The following GPC5 variants were observed in gnomAD, a reference collection of about 807,000 sequenced individuals.
The protein encoded by GPC5 is glypican 5.
In GPC5, 47 loss-of-function variants were observed where a neutral mutation model predicts 53.9. The observed-to-expected ratio is 0.87, with a 90% CI of 0.69 to 1.11. The LOEUF (loss-of-function observed/expected upper bound fraction) is 1.11, where lower values mean the gene tolerates loss of function less well. Ranked by LOEUF, GPC5 falls within the 50% of genes most tolerant of loss-of-function variation. The pLI is 0.00. For synonymous variants in GPC5, 286 were observed against 263.3 expected (o/e 1.09, Z -0.84); for missense variants, 748 against 713.1 (o/e 1.05, Z -0.56).
At chr13:92,033,036 CGTGTGTGTGTGTGT>C in intron 6 of GPC5, among the ~76,000 whole-genome samples, 2 of 139,094 alleles carry the variant, frequency 1.4e-5, no homozygotes, top group South Asian at 4.8e-4. Context: ...TAGTTATTGT[CGTGTGTGTGTGTGT>C]GTGTGTGTGT....
At chr13:91,515,369 G>A (rs1162337102) in intron 2 of GPC5, among the ~76,000 whole-genome samples, 2 of 151,892 alleles carry the variant, frequency 1.3e-5, no homozygotes, top group Non-Finnish European at 2.9e-5. Context: ...TTATGGCAGG[G>A]GCTCAAAGAG....
intron 5 of GPC5, among the ~76,000 whole-genome samples, chr13:91,815,483 C>T (rs938030005): frequency 6.6e-6 from 1 of 152,204 alleles, no homozygotes; most frequent in African/African-American, 2.4e-5. Context: ...GTTTTTATAG[C>T]ATTGTATCCA....
intron 2 of GPC5, among the ~76,000 whole-genome samples, chr13:91,688,075 A>T (rs183018177): frequency 1.1e-4 from 17 of 152,254 alleles, no homozygotes; most frequent in Non-Finnish European, 2.2e-4. Context: ...TCAAAATGTT[A>T]ATTCAGTAAA....
Position 92,818,731 on chromosome 13 carries a change from G to A in GPC5, c.1562-47551G>A, listed in dbSNP as rs566865812. Among the ~76,000 whole-genome samples the A allele has an allele frequency of 4.6e-5, 7 of 152,120 alleles. No individual in the cohort carries two copies. The South Asian group carries it at 1.4e-3, about 31-fold the overall frequency. ...AGGAAATGAATTGAGAAACTTGACA[G>A]GAACAGCTTGAGGTATTTGATGAAT... On this transcript the variant is annotated intron_variant, in intron 7 of 7. Coordinates refer to ENST00000377067, the MANE Select transcript of GPC5 (RefSeq NM_004466.6).
chr13:92,253,213 G>T (rs2042704065), intron 7 of GPC5, among the ~76,000 whole-genome samples: 2 of 152,108 alleles, frequency 1.3e-5, no homozygotes, highest in Non-Finnish European at 2.9e-5. Context: ...GGACTGTAAT[G>T]CAGGAGGTAA....
chr13:91,693,107 T>A, intron 2 of GPC5, 80 bp from the exon 3 acceptor site: 1 of 997,200 alleles, frequency 1.0e-6, no homozygotes, highest in African/African-American at 1.6e-5. Context: ...TTTTGATGAG[T>A]CATTTAATGT....
chr13:91,426,267 G>A (rs887099546), intron 1 of GPC5, among the ~76,000 whole-genome samples: 1 of 151,960 alleles, frequency 6.6e-6, no homozygotes, highest in African/African-American at 2.4e-5. Flanking sequence ...TCCCGTCACA[G>A]GCCTGGAGTC....
chr13:92,323,361 CA>C (rs2043228556), intron 7 of GPC5, among the ~76,000 whole-genome samples: 1 of 148,606 alleles, frequency 6.7e-6, no homozygotes, highest in Non-Finnish European at 1.5e-5. Context: ...ATAACAGATA[CA>C]TATATATATA....
chr13:91,875,317 A>G (rs1474283045), intron 5 of GPC5, among the ~76,000 whole-genome samples: 1 of 152,178 alleles, frequency 6.6e-6, no homozygotes, highest in Non-Finnish European at 1.5e-5. Flanking sequence ...CTGCTTTTGT[A>G]GTTACCTTTA....
At chr13:92,824,673 C>A (rs1405341641) in intron 7 of GPC5, among the ~76,000 whole-genome samples, 1 of 151,142 alleles carries the variant, frequency 6.6e-6, no homozygotes, top group African/African-American at 2.4e-5. Flanking sequence ...TAAAGTGAAT[C>A]CTGTAATTTT....
intron 7 of GPC5, among the ~76,000 whole-genome samples, chr13:92,678,107 A>G (rs1887005927): frequency 6.6e-6 from 1 of 152,210 alleles, no homozygotes; most frequent in African/African-American, 2.4e-5. Flanking sequence ...AATTTTACAT[A>G]TAATTCTTTT....
chr13:92,574,015 G>A (rs916303998), intron 7 of GPC5, among the ~76,000 whole-genome samples: 1 of 152,118 alleles, frequency 6.6e-6, no homozygotes, highest in African/African-American at 2.4e-5. Flanking sequence ...CCTGAGCCCT[G>A]GGGAGGTATT....
chr13:92,025,501 T>A (rs1479912651), intron 6 of GPC5, among the ~76,000 whole-genome samples: 3 of 152,058 alleles, frequency 2.0e-5, no homozygotes, highest in Non-Finnish European at 4.4e-5. Context: ...GCGGACAAAG[T>A]AGTGAGAATT....
At chr13:92,246,747 C>G (rs1361753195) in intron 7 of GPC5, among the ~76,000 whole-genome samples, 2 of 152,102 alleles carry the variant, frequency 1.3e-5, no homozygotes, top group African/African-American at 4.8e-5. Flanking sequence ...GCATGCTTTT[C>G]TTTTAAATAT....
chr13:92,794,456 C>T (rs1876582348), intron 7 of GPC5, among the ~76,000 whole-genome samples: 1 of 152,230 alleles, frequency 6.6e-6, no homozygotes, highest in South Asian at 2.1e-4. Flanking sequence ...TGGAAGCATT[C>T]CCTTTGAAAT....
intron 7 of GPC5, among the ~76,000 whole-genome samples, chr13:92,455,984 C>A (rs1174664367): frequency 6.6e-6 from 1 of 152,124 alleles, no homozygotes; most frequent in Admixed American, 6.5e-5. Context: ...AGACCTTTCT[C>A]AAATAGAGAA....
chr13:91,855,705 A>G (rs1566305938), intron 5 of GPC5, among the ~76,000 whole-genome samples: 1 of 151,632 alleles, frequency 6.6e-6, no homozygotes, highest in Admixed American at 6.6e-5. Flanking sequence ...AAAATGCCTT[A>G]ATTCTGAAGA....
intron 7 of GPC5, among the ~76,000 whole-genome samples, chr13:92,437,175 A>G (rs978966953): frequency 1.5e-5 from 2 of 134,810 alleles, no homozygotes; most frequent in African/African-American, 6.0e-5. Context: ...AAACAAGAAA[A>G]CTAAGACAGT....
intron 7 of GPC5, among the ~76,000 whole-genome samples, chr13:92,173,603 TTC>T (rs1381117384): frequency 6.6e-6 from 1 of 152,222 alleles, no homozygotes; most frequent in Non-Finnish European, 1.5e-5. Context: ...TAATAAAGTG[TTC>T]TTTAGTACCT....
Sources: gnomAD v4.1 joint callset for allele counts (sites outside exome capture counted in the v4.1 genomes callset) on GRCh38, gnomAD v4.1.1 for gene constraint, MANE v1.5 for transcripts, NCBI Gene and HGNC (gene_info 2026-07-23, HGNC 2026-07-21) for gene names.